The following AKAP13 variants were observed in gnomAD, a reference collection of about 807,000 sequenced individuals.
AKAP13 encodes A-kinase anchoring protein 13.
In AKAP13, 80 loss-of-function variants were observed where a neutral mutation model predicts 264.5. The ratio of observed to expected loss-of-function variants is 0.30; its 90% CI spans 0.25 to 0.36. AKAP13 has a LOEUF of 0.36. Among genes scored for constraint, AKAP13 ranks in the 10% least tolerant of loss-of-function variants. The pLI is 1.00. For synonymous variants in AKAP13, 1,380 were observed against 1,250.2 expected, an observed-to-expected ratio of 1.10 and a Z score of -2.19; for missense variants, 3,712 against 3,435.2, an observed-to-expected ratio of 1.08 and a Z score of -2.01.
In AKAP13 at chr15:85,578,947, G is replaced by A. The variant is rs1218113423; in HGVS notation, c.879G>A (p.Gln293=). The change falls in exon 7 of 37, where the codon CAG becomes CAA. Residue 293 remains glutamine (Q), a synonymous_variant. Coordinates refer to ENST00000394518, the MANE Select transcript of AKAP13 (RefSeq NM_007200.5). ...CCTCCTAGAAAACAAACCTCAAGCA[G>A]ATGGACAGTCTTATGCCCTTAATGA... ...QQQLMKTNLK[Q]MDSLMPLMMT... is the part of the protein sequence containing the mutation. 6.2e-7 allele frequency: 1 copy of A among 1,610,372 alleles called. No homozygotes were observed. Among genetic ancestry groups the A allele is most frequent in the Non-Finnish European group, 8.5e-7 (1 of 1,177,224 alleles).
intron 16 of AKAP13, among the ~76,000 whole-genome samples, chr15:85,690,878 C>G (rs924270534): frequency 1.3e-5 from 2 of 152,336 alleles, no homozygotes; most frequent in Admixed American, 1.3e-4. Flanking sequence ...TATTAAACAT[C>G]TCTAAGCTTC....
At chr15:85,739,477 A>G (rs1034629481) in intron 33 of AKAP13, among the ~76,000 whole-genome samples, 1 of 151,916 alleles carries the variant, frequency 6.6e-6, no homozygotes, top group Non-Finnish European at 1.5e-5. Context: ...TTTTTTTGTC[A>G]TAATGTTCTA....
At chr15:85,733,167 C>T (rs1374837235) in intron 30 of AKAP13, among the ~76,000 whole-genome samples, 1 of 152,228 alleles carries the variant, frequency 6.6e-6, no homozygotes, top group African/African-American at 2.4e-5. Context: ...AGTAATAGTC[C>T]ATGAGCTCTT....
chr15:85,688,072 G>A (rs1304155249), intron 16 of AKAP13, among the ~76,000 whole-genome samples: 1 of 151,274 alleles, frequency 6.6e-6, no homozygotes, highest in Non-Finnish European at 1.5e-5. Context: ...AAAGAAATAG[G>A]GGAAATAGTA....
intron 26 of AKAP13, 48 bp from the exon 27 acceptor site, chr15:85,726,362 T>A: frequency 6.6e-7 from 1 of 1,508,904 alleles, no homozygotes; most frequent in South Asian, 1.1e-5. Flanking sequence ...TGGGTAACTA[T>A]TAAGTAGTCA....
intron 12 of AKAP13, among the ~76,000 whole-genome samples, chr15:85,660,953 A>T (rs766964682): frequency 6.6e-6 from 1 of 152,138 alleles, no homozygotes; most frequent in Admixed American, 6.5e-5. Context: ...CAACAAAACA[A>T]AGTTATTAGA....
chr15:85,641,743 T>C (rs35620790), intron 9 of AKAP13, among the ~76,000 whole-genome samples: 97,813 of 151,514 alleles, frequency 0.65, 31,779 homozygotes, highest in Middle Eastern at 0.74. Flanking sequence ...CCCTCATCCT[T>C]CCAAAGTGCT....
chr15:85,469,294 A>G (rs1232166323), intron 1 of AKAP13, among the ~76,000 whole-genome samples: 1 of 152,004 alleles, frequency 6.6e-6, no homozygotes, highest in East Asian at 1.9e-4. Flanking sequence ...AAGTGCCTCT[A>G]TTAATAAGGA....
intron 10 of AKAP13, among the ~76,000 whole-genome samples, chr15:85,647,844 C>T (rs948375913): frequency 6.6e-6 from 1 of 152,042 alleles, no homozygotes; most frequent in Admixed American, 6.6e-5. Flanking sequence ...AGGAGAATGG[C>T]GTGAACCCGG....
Position 85,543,898 on chromosome 15 carries a change from C to T in AKAP13, c.605C>T (p.Thr202Met), listed in dbSNP as rs148011541. 5.0e-6 allele frequency: 8 copies of T among 1,613,938 alleles called. No individual in the cohort carries two copies. Among genetic ancestry groups the T allele is most frequent in the East Asian group, 4.5e-5 (2 of 44,882 alleles). ...AGTATCCACAACCAGGAAGGGGCGA[C>T]GCCTGTGAGCTTGGCCTTGGAGCGA... ...ALSIHNQEGA[T>M]PVSLALERGY... Residue 202 changes from threonine (T) to methionine (M), a missense_variant, in exon 5 of 37, where the codon ACG becomes ATG. This residue lies in a region of AKAP13 where 2,759 missense variants were observed against 2,411.7 expected (regional missense o/e 1.14). Transcript: ENST00000394518.
At position 85,399,527 on chromosome 15, in the gene AKAP13, AAAATAAAAAAAT is replaced by A. The variant is rs2071313671; in HGVS notation, c.-12+18737_-12+18748del. ...CAAAAAAAAAAAAAAAAAAAATAAA[AAAATAAAAAAAT>A]AAATAAATAAATAAATAAAGTTTTA... On this transcript the variant is annotated intron_variant, in intron 1 of 36. Transcript: ENST00000394518. 3.0e-4 allele frequency among the ~76,000 whole-genome samples: 34 copies of A among 114,764 alleles called. 1 individual carries two copies. Among genetic ancestry groups the A allele is most frequent in the African/African-American group, 8.0e-4 (22 of 27,608 alleles). 75.3% of individuals were successfully genotyped at this position (114,764 alleles called of 152,430 possible).
chr15:85,447,563 CTTT>C lies in AKAP13; in HGVS notation c.-11-38146_-11-38144del, dbSNP rs1484677907. Among the ~76,000 whole-genome samples, 115 of 151,856 alleles carry C rather than the reference CTTT, an allele frequency of 7.6e-4. 2 individuals are homozygous for C. The highest frequency in any genetic ancestry group is 3.9e-4 in the East Asian group (2 of 5,148). Reference sequence around the variant, plus strand: ...AGACCCCAGTGTCTGTTGTTTCCTTCTTTGTGTTAGTAAGTTCTTATCATTTAG... The same window carrying C: ...AGACCCCAGTGTCTGTTGTTTCCTTCGTGTTAGTAAGTTCTTATCATTTAG... On this transcript the variant is annotated intron_variant, in intron 1 of 36. Coordinates refer to ENST00000394518, the MANE Select transcript of AKAP13 (RefSeq NM_007200.5).
intron 3 of AKAP13, among the ~76,000 whole-genome samples, chr15:85,525,546 G>A (rs1221359543): frequency 2.6e-5 from 4 of 152,198 alleles, no homozygotes; most frequent in African/African-American, 9.7e-5. Context: ...TATGAAAGTG[G>A]CTAGTTCAAG....
intron 1 of AKAP13, among the ~76,000 whole-genome samples, chr15:85,421,025 A>G (rs76807446): frequency 0.075 from 11,399 of 152,284 alleles, 696 homozygotes; most frequent in East Asian, 0.31. Context: ...TCCAATATAT[A>G]GACTTTTATT....
chr15:85,400,091 G>A (rs1389273436), intron 1 of AKAP13, among the ~76,000 whole-genome samples: 2 of 152,106 alleles, frequency 1.3e-5, no homozygotes, highest in Non-Finnish European at 2.9e-5. Flanking sequence ...GAGCCACTGC[G>A]CCTGACTGTT....
At chr15:85,691,847 G>T in intron 16 of AKAP13, 1 of 492,824 alleles carries the variant, frequency 2.0e-6, no homozygotes, top group East Asian at 5.9e-5. Context: ...AGGAAAGAAA[G>T]GAGCTTCACA....
chr15:85,432,813 C>T lies in AKAP13; in HGVS notation c.-12+52015C>T, dbSNP rs191078801. The stretch of plus-strand genomic sequence containing the variant: ...GGGGAGGCTCTTAGCAGATTTCTAA[C>T]TACTTTGTTTACTTTGGTTGATAGG... On this transcript the variant is annotated intron_variant, in intron 1 of 36. Transcript: ENST00000394518. Among the ~76,000 whole-genome samples, 27 of 152,214 alleles carry T rather than the reference C, an allele frequency of 1.8e-4. 1 individual carries two copies. Among genetic ancestry groups the T allele is most frequent in the African/African-American group, 6.5e-4 (27 of 41,548 alleles).
intron 25 of AKAP13, among the ~76,000 whole-genome samples, chr15:85,722,783 G>T (rs1377906547): frequency 6.6e-6 from 1 of 151,790 alleles, no homozygotes; most frequent in Non-Finnish European, 1.5e-5. Context: ...AAAAAAACTT[G>T]GTTGCTCTTC....
chr15:85,741,697 TAAAAAAAAAAAAAA>T, intron 35 of AKAP13, among the ~76,000 whole-genome samples: 1 of 106,344 alleles, frequency 9.4e-6, no homozygotes, highest in East Asian at 3.3e-4. Context: ...CTGTCTCTCC[TAAAAAAAAAAAAAA>T]AAAAACAAAC....
Sources: gnomAD v4.1 joint callset for allele counts (sites outside exome capture counted in the v4.1 genomes callset) on GRCh38, gnomAD v4.1.1 for gene constraint, gnomAD v4.1.1 regional missense constraint, MANE v1.5 for transcripts, NCBI Gene and HGNC (gene_info 2026-07-23, HGNC 2026-07-21) for gene names.